The following TRPM6 variants were observed in gnomAD, a reference collection of about 807,000 sequenced individuals.
The protein encoded by TRPM6 is transient receptor potential cation channel subfamily M member 6.
Under a neutral mutation model 247.6 loss-of-function variants are expected in TRPM6, and 111 were observed. The ratio of observed to expected loss-of-function variants is 0.45; its 90% confidence interval spans 0.38 to 0.52. The LOEUF (loss-of-function observed/expected upper bound fraction) is 0.52. Ranked by LOEUF, TRPM6 falls within the 20% of genes least tolerant of loss-of-function variation. The pLI is 0.00. For synonymous variants in TRPM6, 892 were observed against 853.8 expected, an observed-to-expected ratio of 1.04 and a Z score of -0.78; for missense variants, 2,126 against 2,421.5, an observed-to-expected ratio of 0.88 and a Z score of 2.56.
Position 74,762,869 on chromosome 9 carries a change from C to A in TRPM6, c.3802G>T (p.Ala1268Ser), listed in dbSNP as rs758809239. ...CAEVLGSMEI[A>S]GEKKYQYYSM... Reference sequence around the variant, plus strand: ...TAATACTGGTATTTCTTCTCTCCAGCGATCTCCATGCTGCCTAGAACCTCT... The same window carrying A: ...TAATACTGGTATTTCTTCTCTCCAGAGATCTCCATGCTGCCTAGAACCTCT... Residue 1268 changes from alanine to serine, a missense_variant, in exon 26 of 39, where the codon GCT (alanine) becomes TCT (serine). Ala to Ser is a moderately conservative substitution (Grantham distance 99, BLOSUM62 1). Around this residue, in one of 3 missense-constraint regions of TRPM6, gnomAD observed 717 missense variants for 715.9 expected, o/e 1.00. Coordinates refer to ENST00000360774, the MANE Select transcript of TRPM6 (RefSeq NM_017662.5). The A allele has an allele frequency of 6.2e-7, 1 of 1,613,764 alleles. No individual in the cohort carries two copies. The highest frequency in any genetic ancestry group is 1.3e-5 in the African/African-American group (1 of 74,898).
intron 13 of TRPM6, among the ~76,000 whole-genome samples, chr9:74,809,494 TA>T (rs1415017084): frequency 3.7e-4 from 56 of 152,368 alleles, no homozygotes; most frequent in African/African-American, 1.3e-3. Flanking sequence ...ATGCATAATT[TA>T]CTTTTTTCAA....
intron 1 of TRPM6, among the ~76,000 whole-genome samples, chr9:74,881,371 A>G (rs1041658042): frequency 6.6e-6 from 1 of 152,034 alleles, no homozygotes; most frequent in African/African-American, 2.4e-5. Context: ...ATATAAGGCA[A>G]TCAATTCAGC....
Position 74,792,676 on chromosome 9 carries a change from C to T in TRPM6, c.2486G>A (p.Arg829Lys), listed in dbSNP as rs1291509332. 1.7e-5 allele frequency: 27 copies of T among 1,613,996 alleles called. No individual in the cohort carries two copies. The highest frequency in any genetic ancestry group is 2.3e-5 in the Non-Finnish European group (27 of 1,180,012). The change falls in exon 19 of 39, where the codon AGG becomes AAG. Residue 829 changes from arginine to lysine, a missense_variant. By Grantham distance (26) the Arg-to-Lys change is conservative. Around this residue, in one of 3 missense-constraint regions of TRPM6, gnomAD observed 1,082 missense variants for 1,307.9 expected, o/e 0.83. Coordinates refer to ENST00000360774, the MANE Select transcript of TRPM6 (RefSeq NM_017662.5). ...AGCACTGTAGAACTCATAGACTTTC[C>T]TGGTCCACGGAAGGTGTTGGTGCCC... ...ESGHQHLPWT[R>K]KVYEFYSAPI...
At chr9:74,728,676 A>G (rs1381000451) in intron 37 of TRPM6, among the ~76,000 whole-genome samples, 1 of 152,234 alleles carries the variant, frequency 6.6e-6, no homozygotes, top group African/African-American at 2.4e-5. Flanking sequence ...TGAAAGAGTG[A>G]CATTCATTAC....
chr9:74,738,359 T>C (rs1181145712), intron 36 of TRPM6, 48 bp downstream of exon 36: 4 of 1,602,834 alleles, frequency 2.5e-6, no homozygotes, highest in African/African-American at 1.3e-5. Flanking sequence ...AAGATCTCTT[T>C]ACACTTTGCC....
intron 16 of TRPM6, among the ~76,000 whole-genome samples, 182 bp downstream of exon 16, chr9:74,801,716 C>T (rs1430716057): frequency 2.0e-5 from 3 of 152,188 alleles, no homozygotes; most frequent in Non-Finnish European, 4.4e-5. Flanking sequence ...TGAAGGTCAC[C>T]TCTCTTTTCT....
intron 17 of TRPM6, among the ~76,000 whole-genome samples, chr9:74,799,415 A>G (rs1026194384): frequency 6.6e-5 from 10 of 152,134 alleles, no homozygotes; most frequent in African/African-American, 2.4e-4. Context: ...TTAGCAGTCA[A>G]CTAAATTATT....
At chr9:74,884,678 C>T (rs1831477124) in intron 1 of TRPM6, among the ~76,000 whole-genome samples, 1 of 151,900 alleles carries the variant, frequency 6.6e-6, no homozygotes, top group Non-Finnish European at 1.5e-5. Context: ...GAATTATTTA[C>T]AACAAGAAAT....
intron 38 of TRPM6, among the ~76,000 whole-genome samples, chr9:74,725,941 CA>C (rs2118662817): frequency 6.6e-6 from 1 of 152,238 alleles, no homozygotes; most frequent in South Asian, 2.1e-4. Context: ...TGGTAAAAAG[CA>C]GAATTAAAAT....
At chr9:74,858,149 G>C (rs1348596767) in intron 2 of TRPM6, among the ~76,000 whole-genome samples, 1 of 152,230 alleles carries the variant, frequency 6.6e-6, no homozygotes, top group Non-Finnish European at 1.5e-5. Context: ...AGCACTTTGG[G>C]AGGCCGAGGT....
intron 5 of TRPM6, among the ~76,000 whole-genome samples, chr9:74,837,748 CTTTTTTT>C (rs3056761): frequency 3.6e-5 from 5 of 137,384 alleles, no homozygotes; most frequent in African/African-American, 1.1e-4. Flanking sequence ...GCCCGGCCCC[CTTTTTTT>C]TTTTTTTTTT....
intron 23 of TRPM6, among the ~76,000 whole-genome samples, chr9:74,781,909 C>T (rs1243063678): frequency 6.6e-6 from 1 of 152,168 alleles, no homozygotes; most frequent in Non-Finnish European, 1.5e-5. Context: ...AAAGGATGAT[C>T]GTGTCTGTGC....
intron 7 of TRPM6, 144 bp downstream of exon 7, chr9:74,827,634 A>G (rs1259403538): frequency 1.2e-6 from 1 of 809,418 alleles, no homozygotes; most frequent in East Asian, 2.5e-5. Context: ...GGAGATGCCC[A>G]TGTGGGAAGG....
chr9:74,801,822 A>T, intron 16 of TRPM6, 76 bp downstream of exon 16: 3 of 1,559,740 alleles, frequency 1.9e-6, no homozygotes, highest in African/African-American at 1.3e-5. Flanking sequence ...ACAAGTTTAA[A>T]GATGAGAGAG....
At chr9:74,750,980 T>C (rs950077732) in intron 29 of TRPM6, among the ~76,000 whole-genome samples, 2 of 152,202 alleles carry the variant, frequency 1.3e-5, no homozygotes, top group East Asian at 1.9e-4. Context: ...GAAAATGTAA[T>C]ATATGAAATT....
intron 23 of TRPM6, among the ~76,000 whole-genome samples, chr9:74,777,431 C>T (rs1016714307): frequency 2.6e-5 from 4 of 152,108 alleles, no homozygotes; most frequent in African/African-American, 9.7e-5. Context: ...TTGTCCTATG[C>T]GAGGATTTCT....
intron 4 of TRPM6, among the ~76,000 whole-genome samples, chr9:74,841,365 A>C (rs1172010396): frequency 6.6e-6 from 1 of 152,260 alleles, no homozygotes; most frequent in Non-Finnish European, 1.5e-5. Flanking sequence ...ATTTACAGGA[A>C]GAAGTAAGGA....
intron 17 of TRPM6, among the ~76,000 whole-genome samples, chr9:74,797,172 G>A (rs1302352698): frequency 6.6e-6 from 1 of 152,118 alleles, no homozygotes; most frequent in Admixed American, 6.6e-5. Context: ...ATCTAGAGAG[G>A]GACAGCTGGT....
intron 1 of TRPM6, among the ~76,000 whole-genome samples, chr9:74,871,443 A>G (rs1831027028): frequency 6.6e-6 from 1 of 152,128 alleles, no homozygotes; most frequent in Non-Finnish European, 1.5e-5. Context: ...ATTAATAATG[A>G]TATGTAATAA....
Sources: allele counts gnomAD v4.1 joint callset (sites outside exome capture counted in the v4.1 genomes callset), GRCh38; gene constraint gnomAD v4.1.1; regional missense constraint gnomAD v4.1.1; transcripts MANE v1.5; gene names NCBI Gene and HGNC (gene_info 2026-07-23, HGNC 2026-07-21).